OVOL2: variants seen among roughly 807,000 people sequenced by gnomAD.
OVOL2 encodes the protein ovo like zinc finger 2, also known as transcription factor Ovo-like 2.
A neutral mutation model predicts 18.1 loss-of-function variants in OVOL2; 13 were observed. That is an observed-to-expected ratio of 0.72 (90% CI 0.47 to 1.14). The LOEUF (loss-of-function observed/expected upper bound fraction) is 1.14. OVOL2 is among the 50% of genes most tolerant of loss of function. The pLI is 0.00. For synonymous variants in OVOL2, 166 were observed against 162.7 expected (o/e 1.02, Z -0.16); for missense variants, 335 against 383.0 (o/e 0.87, Z 1.05).
At position 18,041,650 on chromosome 20, in the gene OVOL2, C is replaced by T. The variant is rs201607038; in HGVS notation, c.395G>A (p.Arg132His). 53 of 1,614,036 alleles carry T rather than the reference C, an allele frequency of 3.3e-5. No homozygotes were observed. The highest frequency in any genetic ancestry group is 5.3e-5 in the African/African-American group (4 of 75,006). The change falls in exon 3 of 4, where the codon CGC becomes CAC. Residue 132 changes from arginine to histidine, a missense_variant. Arg to His is a conservative substitution (Grantham distance 29). Transcript: ENST00000278780. ...GCACTTGAGGTGACGGTTCAGCATG[C>T]GCTGCAGACGGAAGCCCTTGCCACA... ...DLCGKGFRLQ[R>H]MLNRHLKCHN...
At chr20:18,058,405 C>A (rs79681871), upstream of OVOL2, among the ~76,000 whole-genome samples, 2 of 56,154 alleles carry the variant, frequency 3.6e-5, no homozygotes, top group African/African-American at 1.2e-4. Context: ...AGCTACAACA[C>A]CCCCCCCCCA....
Position 18,056,577 on chromosome 20 carries a change from G to C in OVOL2, c.321+80C>G. 2.4e-6 allele frequency: 3 copies of C among 1,269,128 alleles called. No homozygotes were observed. The highest frequency in any genetic ancestry group is 3.2e-5 in the East Asian group (1 of 30,872). 78.6% of individuals were successfully genotyped at this position (1,269,128 alleles called of 1,614,324 possible). A position where few individuals can be genotyped will look rare whatever the true frequency, so the allele number is the denominator to read the frequency against. On this transcript the variant is annotated intron_variant, in intron 2 of 3. Transcript: ENST00000278780. The surrounding 1 kb of genome is among the most constrained non-coding windows in gnomAD (Gnocchi z 4.2). ...GGTGCCGGGTTGCGCAGGCGGGCGC[G>C]GCAGGGAGGGGCGCCGGCCTCGGGA...
At chr20:18,047,264 G>A (rs2036731012) in intron 2 of OVOL2, among the ~76,000 whole-genome samples, 1 of 152,166 alleles carries the variant, frequency 6.6e-6, no homozygotes, top group African/African-American at 2.4e-5. Context: ...TGTAATCCCA[G>A]CACTTCAGGA....
intron 3 of OVOL2, among the ~76,000 whole-genome samples, chr20:18,033,642 G>A (rs1199764810): frequency 6.6e-6 from 1 of 152,178 alleles, no homozygotes; most frequent in Non-Finnish European, 1.5e-5. Flanking sequence ...GGCACATCGG[G>A]CACTTCCGAA....
At chr20:18,032,476 C>T (rs1180926547) in intron 3 of OVOL2, among the ~76,000 whole-genome samples, 1 of 151,790 alleles carries the variant, frequency 6.6e-6, no homozygotes. Flanking sequence ...TCCCTCGATA[C>T]TGGAAATTTT....
Position 18,039,607 on chromosome 20 carries a change from C to CAAAA in OVOL2, c.511+1923_511+1926dup, listed in dbSNP as rs111619803. 5.2e-3 allele frequency among the ~76,000 whole-genome samples: 448 copies of CAAAA among 86,768 alleles called. 4 individuals carry two copies. Among genetic ancestry groups the CAAAA allele is most frequent in the African/African-American group, 0.013 (326 of 24,796 alleles). The allele number at this position is 86,768 out of a possible 152,430, so 56.9% of individuals were successfully genotyped here. ...TGGGTGAGAGAGCAAGACGCTGTCT[C>CAAAA]AAAAAAAAAAAAAAAGAAAGAAAGA... On this transcript the variant is annotated intron_variant, in intron 3 of 3. Transcript: ENST00000278780.
chr20:18,052,398 T>C (rs547700299), intron 2 of OVOL2, among the ~76,000 whole-genome samples: 1 of 152,198 alleles, frequency 6.6e-6, no homozygotes, highest in Non-Finnish European at 1.5e-5. Context: ...GGTGTGATCA[T>C]GAATTTTGGT....
At chr20:18,039,266 C>T (rs917545698) in intron 3 of OVOL2, among the ~76,000 whole-genome samples, 1 of 152,100 alleles carries the variant, frequency 6.6e-6, no homozygotes, top group African/African-American at 2.4e-5. Context: ...TTGCTGAGGT[C>T]GGCACTTAGG....
chr20:18,050,209 G>C (rs1183198872), intron 2 of OVOL2, among the ~76,000 whole-genome samples: 2 of 152,188 alleles, frequency 1.3e-5, no homozygotes, highest in African/African-American at 4.8e-5. Context: ...TGACTCCCTT[G>C]CCATGAGGAT....
chr20:18,058,636 T>C (rs908182271), upstream of OVOL2, among the ~76,000 whole-genome samples: 1 of 149,292 alleles, frequency 6.7e-6, no homozygotes, highest in Non-Finnish European at 1.5e-5. Context: ...AAGCCCCCAA[T>C]CCTCGCCCAC....
At chr20:18,041,908 T>A (rs1271421721) in intron 2 of OVOL2, among the ~76,000 whole-genome samples, 185 bp from the exon 3 acceptor site, 3 of 143,492 alleles carry the variant, frequency 2.1e-5, no homozygotes, top group Non-Finnish European at 3.0e-5. Context: ...CCACCCTTTT[T>A]TTTTTTTTTT....
At chr20:18,049,852 A>C (rs562723881) in intron 2 of OVOL2, among the ~76,000 whole-genome samples, 45 of 152,298 alleles carry the variant, frequency 3.0e-4, no homozygotes, top group Non-Finnish European at 5.1e-4. Flanking sequence ...GTCTCATATC[A>C]TCATGAGTCC....
At chr20:18,047,367 G>A (rs753178660) in intron 2 of OVOL2, among the ~76,000 whole-genome samples, 4 of 149,696 alleles carry the variant, frequency 2.7e-5, no homozygotes, top group Non-Finnish European at 5.9e-5. Context: ...ACAAAAATTA[G>A]CCGCGCATGG....
At chr20:18,046,611 GTA>G (rs1367641661) in intron 2 of OVOL2, among the ~76,000 whole-genome samples, 2 of 152,132 alleles carry the variant, frequency 1.3e-5, no homozygotes, top group African/African-American at 4.8e-5. Flanking sequence ...AGTAATAAAC[GTA>G]TCATTCTCTC....
At chr20:18,030,583 G>A (rs184752143) in intron 3 of OVOL2, among the ~76,000 whole-genome samples, 111 of 152,306 alleles carry the variant, frequency 7.3e-4, no homozygotes, top group African/African-American at 2.6e-3. Context: ...TATGAGCAGA[G>A]TACCCAGCAA....
At chr20:18,042,753 C>A (rs1600445383) in intron 2 of OVOL2, among the ~76,000 whole-genome samples, 1 of 116,944 alleles carries the variant, frequency 8.6e-6, no homozygotes, top group Admixed American at 1.1e-4. Flanking sequence ...CCAGCCTGGG[C>A]AACAAGAGCA....
Position 18,056,879 on chromosome 20 carries a change from T to C in OVOL2, c.101-2A>G, listed in dbSNP as rs2036833380. On this transcript the variant is annotated splice_acceptor_variant, in intron 1 of 3. Transcript: ENST00000278780. LOFTEE classifies it high-confidence loss of function. The surrounding 1 kb of genome is among the most constrained non-coding windows in gnomAD (Gnocchi z 4.2). ...CGTGGAGCAGGCGGCCTAGGCCCAC[T>C]GTGGAGGGAGGGGCCGCGCCCCGAC... The C allele has an allele frequency of 2.7e-6, 4 of 1,483,092 alleles. No homozygotes were observed. The highest frequency in any genetic ancestry group is 3.6e-6 in the Non-Finnish European group (4 of 1,124,862). The allele number at this position is 1,483,092 out of a possible 1,614,324, so 91.9% of individuals were successfully genotyped here.
chr20:18,036,571 A>G (rs763867374), intron 3 of OVOL2, among the ~76,000 whole-genome samples: 1 of 152,132 alleles, frequency 6.6e-6, no homozygotes, highest in Non-Finnish European at 1.5e-5. Context: ...TTCATTCACT[A>G]ACTTAAATGA....
intron 2 of OVOL2, among the ~76,000 whole-genome samples, chr20:18,047,853 CAAAAAAAAAA>C (rs34668253): frequency 6.4e-5 from 3 of 47,158 alleles, no homozygotes; most frequent in East Asian, 8.3e-4. Context: ...GACTCCGTCT[CAAAAAAAAAA>C]AAAAAAAAAA....
Sources: gnomAD v4.1 joint callset for allele counts (sites outside exome capture counted in the v4.1 genomes callset) on GRCh38, gnomAD v4.1.1 for gene constraint, Gnocchi (gnomAD v3.1) non-coding constraint, MANE v1.5 for transcripts, NCBI Gene and HGNC (gene_info 2026-07-23, HGNC 2026-07-21) for gene names.